PCDHGA4: variants seen among roughly 807,000 people sequenced by gnomAD.
The protein encoded by PCDHGA4 is protocadherin gamma-A4.
A neutral mutation model predicts 54.6 loss-of-function variants in PCDHGA4; 38 were observed. The observed-to-expected ratio is 0.70, with a 90% confidence interval of 0.54 to 0.91. PCDHGA4 has a LOEUF of 0.91. PCDHGA4 is among the 40% of genes least tolerant of loss of function. PCDHGA4 has a pLI of 0.00. For missense variants in PCDHGA4, 1,298 were observed against 1,220.9 expected (o/e 1.06, Z -0.94); for synonymous variants, 511 against 512.9 (o/e 1.00, Z 0.05).
chr5:141,483,133 T>C (rs1263073911), intron 1 of PCDHGA4, among the ~76,000 whole-genome samples: 25 of 152,142 alleles, frequency 1.6e-4, no homozygotes, highest in South Asian at 1.2e-3. Flanking sequence ...GGAGATGAGG[T>C]GAAGCAAGTA....
chr5:141,450,565 C>A (rs1024229182), intron 1 of PCDHGA4, among the ~76,000 whole-genome samples: 4 of 152,016 alleles, frequency 2.6e-5, no homozygotes, highest in African/African-American at 9.7e-5. Flanking sequence ...CGGCTCACTG[C>A]AACTTCTGCC....
intron 1 of PCDHGA4, chr5:141,390,026 A>G (rs1442754847): frequency 1.2e-6 from 2 of 1,613,826 alleles, no homozygotes; most frequent in Admixed American, 1.7e-5. Flanking sequence ...TGCGCCTGCG[A>G]CGCTCCTCCA....
chr5:141,383,196 T>G, intron 1 of PCDHGA4: 3 of 1,613,866 alleles, frequency 1.9e-6, no homozygotes, highest in Non-Finnish European at 2.5e-6. Flanking sequence ...GCGCTCAGAG[T>G]GCGCGGTGTC....
Position 141,410,620 on chromosome 5 carries a change from G to A in PCDHGA4, c.2514+52999G>A, listed in dbSNP as rs765125633. 4 of 1,603,524 alleles carry A rather than the reference G, an allele frequency of 2.5e-6. No homozygotes were observed. In the South Asian group the frequency reaches 3.3e-5, roughly 13 times the overall value. On this transcript the variant is annotated intron_variant, in intron 1 of 3. Coordinates refer to ENST00000571252, the MANE Select transcript of PCDHGA4 (RefSeq NM_018917.4). The stretch of plus-strand genomic sequence containing the variant: ...CTTCACATCCTGAGACTCTGACTTC[G>A]GTGAGTTTCTCTTTTTTGTGTGTGA...
intron 1 of PCDHGA4, chr5:141,367,307 G>A (rs540487021): frequency 1.3e-5 from 2 of 152,792 alleles, no homozygotes; most frequent in Non-Finnish European, 2.9e-5. Flanking sequence ...GGGAGGCTGA[G>A]GTGGGCGGAT....
chr5:141,422,916 C>T, intron 1 of PCDHGA4: 1 of 1,614,260 alleles, frequency 6.2e-7, no homozygotes, highest in Non-Finnish European at 8.5e-7. Context: ...CGCCCGAGAT[C>T]CTGTACCCTG....
In PCDHGA4 at chr5:141,412,906, T is replaced by C. The variant is rs188124118; in HGVS notation, c.2514+55285T>C. ...ACAGAATAGTTTACTTTCCATTGCA[T>C]GTATCACTTGGGTGCAGTAACTTCT... On this transcript the variant is annotated intron_variant, in intron 1 of 3. Coordinates refer to ENST00000571252, the MANE Select transcript of PCDHGA4 (RefSeq NM_018917.4). 315 of 384,208 alleles carry C rather than the reference T, an allele frequency of 8.2e-4. 2 individuals carry two copies. Among genetic ancestry groups the C allele is most frequent in the African/African-American group, 5.6e-3 (272 of 48,326 alleles). The allele number at this position is 384,208 out of a possible 1,614,324, so 23.8% of individuals were successfully genotyped here. A position where few individuals can be genotyped will look rare whatever the true frequency, so the allele number is the denominator to read the frequency against.
intron 1 of PCDHGA4, chr5:141,478,602 T>C (rs2099466537): frequency 6.4e-7 from 1 of 1,563,560 alleles, no homozygotes; most frequent in Admixed American, 1.9e-5. Context: ...TCCTACATCA[T>C]ATTGAGGAAG....
At chr5:141,509,574 G>A (rs554778751) in intron 3 of PCDHGA4, among the ~76,000 whole-genome samples, 7 of 152,182 alleles carry the variant, frequency 4.6e-5, no homozygotes, top group Non-Finnish European at 5.9e-5. Flanking sequence ...TTCACAGTGC[G>A]TACAAATCAG....
At position 141,476,114 on chromosome 5, in the gene PCDHGA4, G is replaced by C; in HGVS notation, c.2515-18693G>C. 3.8e-6 allele frequency: 6 copies of C among 1,592,296 alleles called. No homozygotes were observed. Among genetic ancestry groups the C allele is most frequent in the Non-Finnish European group, 5.1e-6 (6 of 1,171,536 alleles). On this transcript the variant is annotated intron_variant, in intron 1 of 3. Coordinates refer to ENST00000571252, the MANE Select transcript of PCDHGA4 (RefSeq NM_018917.4). This position sits in a 1 kb window ranked among gnomAD's most constrained non-coding sequence, Gnocchi z 7.6. Reference sequence around the variant, plus strand: ...CCGCTGAGAGGAACTGCTTTTGAGTGAGATGGTCCCAGAGGCCTGGAGGAG... The same window carrying C: ...CCGCTGAGAGGAACTGCTTTTGAGTCAGATGGTCCCAGAGGCCTGGAGGAG...
chr5:141,418,498 C>T (rs181453589), intron 1 of PCDHGA4: 10 of 1,613,968 alleles, frequency 6.2e-6, no homozygotes, highest in East Asian at 2.2e-5. Context: ...TGGTACTGAC[C>T]GCCTTAGATG....
At chr5:141,428,129 C>G (rs1449809875) in intron 1 of PCDHGA4, 1 of 1,603,218 alleles carries the variant, frequency 6.2e-7, no homozygotes, top group Non-Finnish European at 8.5e-7. Context: ...CCGGGCTTTT[C>G]AGCCTGGGGC....
chr5:141,389,935 C>G (rs1212194328), intron 1 of PCDHGA4: 1 of 1,613,966 alleles, frequency 6.2e-7, no homozygotes, highest in Non-Finnish European at 8.5e-7. Flanking sequence ...GACCTCCAGG[C>G]TGAGCTGCAG....
Position 141,403,164 on chromosome 5 carries a change from G to A in PCDHGA4, c.2514+45543G>A, listed in dbSNP as rs11575960. The A allele has an allele frequency of 4.9e-3, 7,986 of 1,614,050 alleles. 45 individuals are homozygous for A. Among genetic ancestry groups the A allele is most frequent in the Admixed American group, 9.4e-3 (567 of 60,028 alleles). The stretch of plus-strand genomic sequence containing the variant: ...CGAGTCCGCATCGTCTCTAGAGGTA[G>A]GACGCAGCTTTTCTCTCTGAACCCG... On this transcript the variant is annotated intron_variant, in intron 1 of 3. Coordinates refer to ENST00000571252, the MANE Select transcript of PCDHGA4 (RefSeq NM_018917.4).
chr5:141,477,268 C>T lies in PCDHGA4; in HGVS notation c.2515-17539C>T. ...TGACTGACCTGGATGCTGGCGAGAA[C>T]GGGCTGGTGACCTGCGAAGTTCCAC... On this transcript the variant is annotated intron_variant, in intron 1 of 3. Transcript: ENST00000571252. The surrounding 1 kb of genome is among the most constrained non-coding windows in gnomAD (Gnocchi z 4.9). The T allele has an allele frequency of 6.2e-7, 1 of 1,614,196 alleles. No individual in the cohort carries two copies. The highest frequency in any genetic ancestry group is 8.5e-7 in the Non-Finnish European group (1 of 1,180,030).
intron 2 of PCDHGA4, among the ~76,000 whole-genome samples, chr5:141,500,359 C>T (rs2099799599): frequency 6.6e-6 from 1 of 152,032 alleles, no homozygotes; most frequent in Non-Finnish European, 1.5e-5. Flanking sequence ...CAGGCGCCCA[C>T]TACCACGCCC....
chr5:141,464,707 A>G (rs1052234067), intron 1 of PCDHGA4, among the ~76,000 whole-genome samples: 13 of 152,112 alleles, frequency 8.5e-5, no homozygotes, highest in African/African-American at 3.1e-4. Flanking sequence ...ATGAGGTTAA[A>G]TAGTTTTTCA....
intron 1 of PCDHGA4, chr5:141,416,636 C>A (rs2096047139): frequency 6.6e-6 from 1 of 152,066 alleles, no homozygotes; most frequent in South Asian, 2.1e-4. Context: ...AATATAAACA[C>A]CAACCACAGC....
chr5:141,363,504 C>T (rs750214934), intron 1 of PCDHGA4, among the ~76,000 whole-genome samples: 3 of 152,206 alleles, frequency 2.0e-5, no homozygotes, highest in Non-Finnish European at 4.4e-5. Context: ...AAAACCCCAT[C>T]CTCCACAGTT....
Sources: allele counts gnomAD v4.1 joint callset (sites outside exome capture counted in the v4.1 genomes callset), GRCh38; gene constraint gnomAD v4.1.1; non-coding constraint Gnocchi (gnomAD v3.1); transcripts MANE v1.5; gene names NCBI Gene and HGNC (gene_info 2026-07-23, HGNC 2026-07-21).